SGIP1: variants seen among roughly 807,000 people sequenced by gnomAD.
SGIP1 encodes SH3-containing GRB2-like protein 3-interacting protein 1.
Under a neutral mutation model 107.5 loss-of-function variants are expected in SGIP1, and 38 were observed. The observed-to-expected ratio is 0.35, with a 90% confidence interval of 0.27 to 0.46. The LOEUF (loss-of-function observed/expected upper bound fraction) is 0.46, where lower values mean the gene tolerates loss of function less well. Ranked by LOEUF, SGIP1 falls within the 20% of genes least tolerant of loss-of-function variation. The pLI is 1.00. For synonymous variants in SGIP1, 365 were observed against 366.1 expected (o/e 1.00, Z 0.03); for missense variants, 929 against 1,019.5 (o/e 0.91, Z 1.21).
At chr1:66,638,093 CA>C (rs1226882990) in intron 4 of SGIP1, among the ~76,000 whole-genome samples, 1 of 151,914 alleles carries the variant, frequency 6.6e-6, no homozygotes, top group African/African-American at 2.4e-5. Flanking sequence ...GATCTCCTAT[CA>C]ATATAAATTA....
intron 1 of SGIP1, among the ~76,000 whole-genome samples, chr1:66,588,597 A>G (rs1209506612): frequency 1.4e-5 from 2 of 147,678 alleles, no homozygotes; most frequent in Non-Finnish European, 3.0e-5. Context: ...AGAAATAATA[A>G]TTACTTGAAG....
At chr1:66,716,980 G>C (rs1200716473) in intron 18 of SGIP1, among the ~76,000 whole-genome samples, 1 of 151,732 alleles carries the variant, frequency 6.6e-6, no homozygotes, top group Non-Finnish European at 1.5e-5. Context: ...GTACATAGAA[G>C]GTGGACCTCC....
intron 18 of SGIP1, among the ~76,000 whole-genome samples, chr1:66,703,357 A>C (rs1287754035): frequency 1.3e-5 from 2 of 152,072 alleles, no homozygotes; most frequent in Non-Finnish European, 2.9e-5. Flanking sequence ...ACCTACATAG[A>C]CTCTACCCTG....
At chr1:66,684,863 G>T (rs1320120632) in intron 15 of SGIP1, among the ~76,000 whole-genome samples, 2 of 152,142 alleles carry the variant, frequency 1.3e-5, no homozygotes, top group Non-Finnish European at 2.9e-5. Context: ...ATTTTAAAAT[G>T]TCACCAGTAA....
intron 1 of SGIP1, among the ~76,000 whole-genome samples, chr1:66,624,611 G>A (rs2072143059): frequency 6.6e-6 from 1 of 152,042 alleles, no homozygotes; most frequent in Non-Finnish European, 1.5e-5. Context: ...GAGTGGTTTG[G>A]GCTGACTCAC....
chr1:66,691,657 A>T (rs2089881885), intron 17 of SGIP1, among the ~76,000 whole-genome samples: 1 of 151,858 alleles, frequency 6.6e-6, no homozygotes, highest in East Asian at 1.9e-4. Context: ...CTATCTCCTT[A>T]ATACTCCTTG....
chr1:66,634,179 G>C, intron 3 of SGIP1: 1 of 1,603,682 alleles, frequency 6.2e-7, no homozygotes, highest in East Asian at 2.2e-5. Flanking sequence ...CTCTGCTTCT[G>C]TGTCTCTTCT....
intron 1 of SGIP1, among the ~76,000 whole-genome samples, chr1:66,574,478 A>G (rs2060789031): frequency 6.6e-6 from 1 of 152,144 alleles, no homozygotes; most frequent in Non-Finnish European, 1.5e-5. Context: ...TGGATTATAT[A>G]CATTCTCATT....
At chr1:66,662,128 T>C (rs1056465774) in intron 8 of SGIP1, among the ~76,000 whole-genome samples, 2 of 152,238 alleles carry the variant, frequency 1.3e-5, no homozygotes, top group African/African-American at 4.8e-5. Flanking sequence ...AAATAGTTTG[T>C]CTTCACCCTA....
At chr1:66,697,297 A>T (rs1037905703) in intron 18 of SGIP1, among the ~76,000 whole-genome samples, 1 of 152,202 alleles carries the variant, frequency 6.6e-6, no homozygotes, top group Non-Finnish European at 1.5e-5. Context: ...ATTTTATGAA[A>T]ATATATTTGT....
At chr1:66,567,465 CTG>C (rs1345815528) in intron 1 of SGIP1, among the ~76,000 whole-genome samples, 1 of 152,110 alleles carries the variant, frequency 6.6e-6, no homozygotes, top group East Asian at 1.9e-4. Flanking sequence ...CCTGATCACT[CTG>C]ATGATAGTTT....
At chr1:66,734,563 G>A (rs1450144669) in intron 21 of SGIP1, among the ~76,000 whole-genome samples, 2 of 148,658 alleles carry the variant, frequency 1.3e-5, no homozygotes, top group African/African-American at 5.0e-5. Flanking sequence ...GGAGTGCAGT[G>A]GCACAATCTT....
chr1:66,708,338 G>A (rs2092670960), intron 18 of SGIP1, among the ~76,000 whole-genome samples: 1 of 152,082 alleles, frequency 6.6e-6, no homozygotes. Flanking sequence ...TCTTCATAGT[G>A]CCATGCTATA....
At chr1:66,742,630 C>T (rs1199427743) in intron 24 of SGIP1, among the ~76,000 whole-genome samples, 2 of 149,796 alleles carry the variant, frequency 1.3e-5, no homozygotes, top group Non-Finnish European at 3.0e-5. Flanking sequence ...CCACCACGCC[C>T]GGCTAATTTT....
intron 1 of SGIP1, among the ~76,000 whole-genome samples, chr1:66,552,926 T>G (rs1015474115): frequency 6.6e-6 from 1 of 152,078 alleles, no homozygotes; most frequent in Non-Finnish European, 1.5e-5. Context: ...CCCTTTAAGG[T>G]GCTTCTCATT....
intron 18 of SGIP1, among the ~76,000 whole-genome samples, chr1:66,715,627 A>G (rs2093194503): frequency 6.6e-6 from 1 of 152,148 alleles, no homozygotes; most frequent in Admixed American, 6.6e-5. Flanking sequence ...CAAGCAAACA[A>G]AAAGCACTAC....
intron 7 of SGIP1, among the ~76,000 whole-genome samples, chr1:66,659,033 G>A (rs554295581): frequency 4.3e-4 from 66 of 152,282 alleles, no homozygotes; most frequent in Admixed American, 1.6e-3. Context: ...TTCATAGAAA[G>A]CCAACGGAGG....
At chr1:66,654,514 A>T (rs1441156330) in intron 7 of SGIP1, among the ~76,000 whole-genome samples, 1 of 152,128 alleles carries the variant, frequency 6.6e-6, no homozygotes, top group East Asian at 1.9e-4. Context: ...AAATATGTGA[A>T]TAATAGTATA....
Position 66,748,006 on chromosome 1 carries a change from A to G in SGIP1, c.*4911A>G, listed in dbSNP as rs1458575440. 1 of 152,020 alleles carries G rather than the reference A, an allele frequency of 6.6e-6. No individual in the cohort carries two copies. The highest frequency in any genetic ancestry group is 2.1e-4 in the South Asian group (1 of 4,836). 9.4% of individuals were successfully genotyped at this position (152,020 alleles called of 1,614,324 possible). A position where few individuals can be genotyped will look rare whatever the true frequency, so the allele number is the denominator to read the frequency against. On this transcript the variant is annotated 3_prime_UTR_variant, in exon 25 of 25. Coordinates refer to ENST00000371037, the MANE Select transcript of SGIP1 (RefSeq NM_032291.4). ...GTGTCCATGCAATGAGTCAAATTAGATTGTTGATATAAATGAACAAATCAA... is the reference window on the plus strand; with the variant it reads ...GTGTCCATGCAATGAGTCAAATTAGGTTGTTGATATAAATGAACAAATCAA...
Sources: gnomAD v4.1 joint callset for allele counts (sites outside exome capture counted in the v4.1 genomes callset) on GRCh38, gnomAD v4.1.1 for gene constraint, MANE v1.5 for transcripts, NCBI Gene and HGNC (gene_info 2026-07-23, HGNC 2026-07-21) for gene names.